The following RFTN2 variants were observed in gnomAD, a reference collection of about 807,000 sequenced individuals.
RFTN2 encodes raftlin-2.
Under a neutral mutation model 52.7 loss-of-function variants are expected in RFTN2, and 34 were observed. The ratio of observed to expected loss-of-function variants is 0.64; its 90% CI spans 0.49 to 0.86. The LOEUF is 0.86. Among genes scored for constraint, RFTN2 ranks in the 40% least tolerant of loss-of-function variants. The pLI is 0.00. For synonymous variants in RFTN2, 203 were observed against 217.7 expected (o/e 0.93, Z 0.59); for missense variants, 536 against 600.1 (o/e 0.89, Z 1.12).
chr2:197,604,426 C>A (rs1457791920), intron 7 of RFTN2, among the ~76,000 whole-genome samples: 1 of 152,162 alleles, frequency 6.6e-6, no homozygotes, highest in Non-Finnish European at 1.5e-5. Flanking sequence ...ATAGGTAAAA[C>A]TTACAATGTT....
Position 197,591,495 on chromosome 2 carries a change from A to G in RFTN2, c.1233+4496T>C, listed in dbSNP as rs181334563. On this transcript the variant is annotated intron_variant, in intron 8 of 8. Transcript: ENST00000295049. ...CTCAGGAGCTCAGCTGGCTTCACCC[A>G]GTGGATACTGCACTGGGGCGGCAGG... Among the ~76,000 whole-genome samples the G allele has an allele frequency of 4.8e-4, 73 of 152,318 alleles. 2 individuals are homozygous for G. The highest frequency in any genetic ancestry group is 3.9e-3 in the Admixed American group (60 of 15,306).
At position 197,617,738 on chromosome 2, in the gene RFTN2, T is replaced by A. The variant is rs1212836648; in HGVS notation, c.1050+62A>T. On this transcript the variant is annotated intron_variant, in intron 6 of 8. Transcript: ENST00000295049. ...AAATGAAAAACCCAAACCAAACATA[T>A]ATATATATTATATATTATATTTATA... is the stretch of plus-strand genomic sequence containing the variant. 4.8e-6 allele frequency: 3 copies of A among 630,514 alleles called. No individual in the cohort carries two copies. In the African/African-American group the frequency reaches 6.0e-5, roughly 13 times the overall value. 39.1% of individuals were successfully genotyped at this position (630,514 alleles called of 1,614,324 possible). A position where few individuals can be genotyped will look rare whatever the true frequency, so the allele number is the denominator to read the frequency against.
chr2:197,659,809 ACT>A lies in RFTN2; in HGVS notation c.140-13145_140-13144del, dbSNP rs2088952688. On this transcript the variant is annotated intron_variant, in intron 1 of 8. Coordinates refer to ENST00000295049, the MANE Select transcript of RFTN2 (RefSeq NM_144629.3). ...TCCAGCCTGGGCAAAAAGAGCAAAA[ACT>A]CTGTCTCAAAAAAAAAAATGCTATG... Among the ~76,000 whole-genome samples, 8 of 144,640 alleles carry A rather than the reference ACT, an allele frequency of 5.5e-5. No homozygotes were observed. The South Asian group carries it at 1.8e-3, about 32-fold the overall frequency. The allele number at this position is 144,640 out of a possible 152,430, so 94.9% of individuals were successfully genotyped here.
chr2:197,619,920 T>C (rs1352490684), intron 5 of RFTN2, among the ~76,000 whole-genome samples: 1 of 149,280 alleles, frequency 6.7e-6, no homozygotes, highest in Non-Finnish European at 1.5e-5. Flanking sequence ...ATATAAAAAC[T>C]ACAATAGCAA....
At chr2:197,631,270 A>T in intron 4 of RFTN2, 50 bp from the exon 5 acceptor site, 1 of 1,349,014 alleles carries the variant, frequency 7.4e-7, no homozygotes, top group Non-Finnish European at 1.0e-6. Flanking sequence ...TTTGTTGATC[A>T]AAGATTCTTA....
At chr2:197,656,470 T>A (rs1430339515) in intron 1 of RFTN2, among the ~76,000 whole-genome samples, 2 of 152,166 alleles carry the variant, frequency 1.3e-5, no homozygotes, top group East Asian at 3.8e-4. Context: ...CTTCATAGAG[T>A]TATTGTGAAA....
intron 3 of RFTN2, among the ~76,000 whole-genome samples, chr2:197,635,204 C>T (rs2088545110): frequency 6.6e-6 from 1 of 152,120 alleles, no homozygotes; most frequent in African/African-American, 2.4e-5. Flanking sequence ...CATACTTGTG[C>T]ATGTGTCTTT....
At chr2:197,586,454 T>C (rs574428726) in intron 8 of RFTN2, among the ~76,000 whole-genome samples, 1 of 152,278 alleles carries the variant, frequency 6.6e-6, no homozygotes, top group Admixed American at 6.5e-5. Context: ...TTATACAAGG[T>C]CTCTTCTTCC....
intron 1 of RFTN2, among the ~76,000 whole-genome samples, chr2:197,660,536 G>A (rs1416311957): frequency 1.3e-5 from 2 of 151,498 alleles, no homozygotes; most frequent in East Asian, 3.9e-4. Flanking sequence ...TGAAGTCAGG[G>A]TATCTGAGGT....
intron 1 of RFTN2, among the ~76,000 whole-genome samples, chr2:197,659,008 T>C (rs981545363): frequency 1.3e-5 from 2 of 152,298 alleles, no homozygotes; most frequent in South Asian, 2.1e-4. Flanking sequence ...AAAAGCTTCA[T>C]AGACAAAGAT....
chr2:197,578,809 C>A (rs114257726), intron 8 of RFTN2, among the ~76,000 whole-genome samples: 2 of 152,220 alleles, frequency 1.3e-5, no homozygotes, highest in South Asian at 2.1e-4. Context: ...GGGGACCACC[C>A]TTGGCAGATC....
chr2:197,572,032 T>C lies in RFTN2; in HGVS notation c.1482A>G (p.Gly494=). Residue 494 remains glycine, a synonymous_variant, in exon 9 of 9, where the codon GGA becomes GGG. Transcript: ENST00000295049. ...CTCACATACAAGTGACCTGAGTCAC[T>C]CCATCTTCCTGATCAAACTGTCCGT... is the stretch of plus-strand genomic sequence containing the variant. ...LDDGQFDQED[G]VTQVTCM The C allele has an allele frequency of 6.2e-7, 1 of 1,614,226 alleles. No individual in the cohort carries two copies. Among genetic ancestry groups the C allele is most frequent in the Non-Finnish European group, 8.5e-7 (1 of 1,180,030 alleles).
At chr2:197,593,772 A>T (rs1175124636) in intron 8 of RFTN2, among the ~76,000 whole-genome samples, 1 of 151,474 alleles carries the variant, frequency 6.6e-6, no homozygotes, top group Non-Finnish European at 1.5e-5. Context: ...CTGTAGTCCC[A>T]GCTACTCGGG....
chr2:197,657,655 G>A (rs551424523), intron 1 of RFTN2, among the ~76,000 whole-genome samples: 1 of 147,214 alleles, frequency 6.8e-6, no homozygotes, highest in Non-Finnish European at 1.5e-5. Context: ...CATTTGTAGG[G>A]ATGGGAGAGT....
intron 3 of RFTN2, among the ~76,000 whole-genome samples, chr2:197,640,468 G>A (rs1487922639): frequency 6.6e-6 from 1 of 152,202 alleles, no homozygotes; most frequent in African/African-American, 2.4e-5. Flanking sequence ...TCCGAAAAGC[G>A]CAATATTCGG....
At chr2:197,615,222 T>C (rs1304202062) in intron 7 of RFTN2, among the ~76,000 whole-genome samples, 1 of 152,198 alleles carries the variant, frequency 6.6e-6, no homozygotes, top group East Asian at 1.9e-4. Context: ...CATAATTGAC[T>C]CTGCTAAAAG....
chr2:197,618,528 C>T (rs1295473413), intron 5 of RFTN2, among the ~76,000 whole-genome samples: 2 of 152,044 alleles, frequency 1.3e-5, no homozygotes, highest in South Asian at 2.1e-4. Context: ...AAGTGAGGAG[C>T]GTCTCCGCCT....
intron 5 of RFTN2, among the ~76,000 whole-genome samples, chr2:197,625,724 C>CT (rs2088347454): frequency 7.8e-6 from 1 of 127,764 alleles, no homozygotes; most frequent in Non-Finnish European, 1.7e-5. Context: ...CTCTCCTCCC[C>CT]TCCCTTCCCC....
At chr2:197,630,257 T>C (rs998970699) in intron 5 of RFTN2, among the ~76,000 whole-genome samples, 4 of 152,182 alleles carry the variant, frequency 2.6e-5, no homozygotes, top group Non-Finnish European at 4.4e-5. Context: ...GGAGATCTTA[T>C]TTGCTTTTCA....
Sources: allele counts gnomAD v4.1 joint callset (sites outside exome capture counted in the v4.1 genomes callset), GRCh38; gene constraint gnomAD v4.1.1; transcripts MANE v1.5; gene names NCBI Gene and HGNC (gene_info 2026-07-23, HGNC 2026-07-21).